UTP20: variants seen among roughly 807,000 people sequenced by gnomAD.
The protein encoded by UTP20 is UTP20 small subunit processome component.
In UTP20, 164 loss-of-function variants were observed where a neutral mutation model predicts 329.5. The ratio of observed to expected loss-of-function variants is 0.50; its 90% CI spans 0.44 to 0.57. UTP20 has a LOEUF of 0.57. UTP20 is among the 20% of genes least tolerant of loss of function. The pLI, the probability that UTP20 is intolerant of heterozygous loss-of-function variation, is 0.00. For synonymous variants in UTP20, 1,151 were observed against 1,159.3 expected (o/e 0.99, Z 0.14); for missense variants, 3,055 against 3,284.2 (o/e 0.93, Z 1.71).
intron 38 of UTP20, among the ~76,000 whole-genome samples, chr12:101,350,896 T>C (rs899888183): frequency 6.6e-6 from 1 of 152,152 alleles, no homozygotes; most frequent in African/African-American, 2.4e-5. Context: ...AGCTCTCCTC[T>C]CTGGTGCTGT....
intron 47 of UTP20, among the ~76,000 whole-genome samples, chr12:101,367,055 G>A (rs1272108808): frequency 6.6e-6 from 1 of 152,000 alleles, no homozygotes; most frequent in African/African-American, 2.4e-5. Context: ...TAAGGCAGGA[G>A]GATCACTTGA....
chr12:101,305,404 A>G (rs1872620213), intron 15 of UTP20, among the ~76,000 whole-genome samples: 1 of 151,552 alleles, frequency 6.6e-6, no homozygotes, highest in Non-Finnish European at 1.5e-5. Flanking sequence ...CTGAGGTTAC[A>G]CTGCTTATGA....
chr12:101,291,105 C>T (rs747288111), intron 8 of UTP20: 7 of 415,678 alleles, frequency 1.7e-5, no homozygotes, highest in Non-Finnish European at 2.9e-5. Context: ...TGGAGCCAGA[C>T]TGCCTGTTTG....
At chr12:101,366,804 C>G (rs1339295451) in intron 47 of UTP20, 105 bp downstream of exon 47, 4 of 1,393,984 alleles carry the variant, frequency 2.9e-6, no homozygotes, top group Non-Finnish European at 3.8e-6. Flanking sequence ...AAATGCCTTA[C>G]TGTAAATACA....
rs1281244944 is a variant in UTP20 at position 101,327,121 on chromosome 12, A to T, written c.3082A>T (p.Thr1028Ser). ...AATGAAGAATAAGACTGGGAGTAAAACTCAGGGGAAATCTGCTTCAGGCAC... is the reference window on the plus strand; with the variant it reads ...AATGAAGAATAAGACTGGGAGTAAATCTCAGGGGAAATCTGCTTCAGGCAC... Reference protein sequence around the residue: ...GRMKNKTGSKTQGKSASGTRM... With the variant: ...GRMKNKTGSKSQGKSASGTRM... The change falls in exon 26 of 62, where the codon ACT becomes TCT. Residue 1028 changes from threonine to serine, a missense_variant. Transcript: ENST00000261637. The T allele has an allele frequency of 6.2e-7, 1 of 1,612,108 alleles. No individual in the cohort carries two copies. Among genetic ancestry groups the T allele is most frequent in the East Asian group, 2.2e-5 (1 of 44,806 alleles).
At chr12:101,281,784 A>C (rs910077022) in intron 2 of UTP20, among the ~76,000 whole-genome samples, 1 of 151,990 alleles carries the variant, frequency 6.6e-6, no homozygotes, top group Admixed American at 6.6e-5. Flanking sequence ...GGCTCACTGC[A>C]ATCTCCACCT....
At chr12:101,382,065 A>G (rs959043430) in intron 58 of UTP20, among the ~76,000 whole-genome samples, 13 of 150,498 alleles carry the variant, frequency 8.6e-5, no homozygotes, top group Non-Finnish European at 1.8e-4. Flanking sequence ...TCTATGTAGA[A>G]TGGCGGAAGG....
At chr12:101,374,051 C>T (rs1360263334) in intron 54 of UTP20, among the ~76,000 whole-genome samples, 3 of 151,518 alleles carry the variant, frequency 2.0e-5, no homozygotes, top group Non-Finnish European at 4.4e-5. Context: ...CCGGCTAAAA[C>T]GGTGAAACCC....
At position 101,356,592 on chromosome 12, in the gene UTP20, G is replaced by T. The variant is rs779277196; in HGVS notation, c.5433G>T (p.Lys1811Asn). Residue 1811 changes from lysine (K) to asparagine (N), a missense_variant, in exon 42 of 62, where the codon AAG (lysine) becomes AAT (asparagine). This residue lies in a region of UTP20 where 2,445 missense variants were observed against 2,575.5 expected (regional missense o/e 0.95). Coordinates refer to ENST00000261637, the MANE Select transcript of UTP20 (RefSeq NM_014503.3). ...REEEHKLVKS[K>N]VVNDEEVVRV... is the part of the protein sequence containing the mutation. ...AAGAACACAAGCTTGTCAAGTCAAAGGTTGTGAATGATGAGGAAGTCGTTC... is the reference window on the plus strand; with the variant it reads ...AAGAACACAAGCTTGTCAAGTCAAATGTTGTGAATGATGAGGAAGTCGTTC... 2 of 1,613,760 alleles carry T rather than the reference G, an allele frequency of 1.2e-6. No individual in the cohort carries two copies. The highest frequency in any genetic ancestry group is 1.7e-6 in the Non-Finnish European group (2 of 1,179,876).
chr12:101,321,730 A>G (rs1316656809), intron 25 of UTP20, 101 bp downstream of exon 25: 7 of 1,389,550 alleles, frequency 5.0e-6, no homozygotes, highest in African/African-American at 1.5e-5. Flanking sequence ...AGAATATTTC[A>G]TTTTCTATTT....
rs200742160 is a variant in UTP20 at position 101,312,015 on chromosome 12, T to C, written c.2312-21T>C. The C allele has an allele frequency of 6.5e-4, 1,057 of 1,613,820 alleles. 6 individuals carry two copies. The highest frequency in any genetic ancestry group is 4.3e-4 in the Non-Finnish European group (504 of 1,179,746). On this transcript the variant is annotated intron_variant, in intron 20 of 61. Coordinates refer to ENST00000261637, the MANE Select transcript of UTP20 (RefSeq NM_014503.3). ...AATGTTGATATTTGTCTGGTGGTTA[T>C]GACAACTTTCTTTCTTGCAGAGAAG...
intron 1 of UTP20, 103 bp downstream of exon 1, chr12:101,280,430 G>A: frequency 7.0e-7 from 1 of 1,418,556 alleles, no homozygotes; most frequent in Admixed American, 2.1e-5. Flanking sequence ...TGGGCCGAGT[G>A]TGTCACTTTC....
chr12:101,366,738 G>A (rs1362594887), intron 47 of UTP20, 39 bp downstream of exon 47: 1 of 1,596,726 alleles, frequency 6.3e-7, no homozygotes, highest in East Asian at 2.2e-5. Context: ...CTACTTTCAG[G>A]GAGTCTGCAC....
chr12:101,369,846 G>A lies in UTP20; in HGVS notation c.6510G>A (p.Gly2170=). The A allele has an allele frequency of 6.2e-7, 1 of 1,614,000 alleles. No homozygotes were observed. Among genetic ancestry groups the A allele is most frequent in the South Asian group, 1.1e-5 (1 of 91,066 alleles). ...TGCTGAAGGACTATGCAAAGCTCGG[G>A]GCCGCCAGGGGCCAGAACTTCCACC... ...FLLLKDYAKL[G]AARGQNFHLV... Residue 2170 remains glycine (G), a synonymous_variant, in exon 49 of 62, where the codon GGG becomes GGA. Transcript: ENST00000261637.
intron 31 of UTP20, among the ~76,000 whole-genome samples, chr12:101,340,182 G>A (rs1171247271): frequency 6.6e-6 from 1 of 152,074 alleles, no homozygotes; most frequent in African/African-American, 2.4e-5. Flanking sequence ...TTAAGTCTTG[G>A]CACTTAAAAA....
At chr12:101,343,189 G>C (rs1244397515) in intron 35 of UTP20, 96 bp downstream of exon 35, 47 of 822,334 alleles carry the variant, frequency 5.7e-5, no homozygotes, top group Non-Finnish European at 6.1e-5. Flanking sequence ...TGTTTTTTGA[G>C]GGGGGACAAA....
At chr12:101,377,011 C>T (rs1870497630) in intron 56 of UTP20, among the ~76,000 whole-genome samples, 1 of 151,998 alleles carries the variant, frequency 6.6e-6, no homozygotes, top group African/African-American at 2.4e-5. Flanking sequence ...GAACTCCTGA[C>T]CTCAGGTGAT....
chr12:101,368,528 G>A (rs1870174754), intron 48 of UTP20, among the ~76,000 whole-genome samples: 2 of 151,980 alleles, frequency 1.3e-5, no homozygotes, highest in African/African-American at 4.8e-5. Context: ...TATAAATTTG[G>A]ATAGCCTTTA....
chr12:101,367,040 G>A (rs1218032336), intron 47 of UTP20, among the ~76,000 whole-genome samples: 1 of 152,066 alleles, frequency 6.6e-6, no homozygotes, highest in Admixed American at 6.6e-5. Context: ...AGCACTTTGG[G>A]AGGCTAAGGC....
Sources: allele counts gnomAD v4.1 joint callset (sites outside exome capture counted in the v4.1 genomes callset), GRCh38; gene constraint gnomAD v4.1.1; regional missense constraint gnomAD v4.1.1; transcripts MANE v1.5; gene names NCBI Gene and HGNC (gene_info 2026-07-23, HGNC 2026-07-21).